SH3PXD2B: variants seen among roughly 807,000 people sequenced by gnomAD.
SH3PXD2B encodes the protein SH3 and PX domains 2B.
A neutral mutation model predicts 73.1 loss-of-function variants in SH3PXD2B; 37 were observed. That is an observed-to-expected ratio of 0.51 (90% confidence interval 0.39 to 0.67). The LOEUF (loss-of-function observed/expected upper bound fraction) is 0.67. Among genes scored for constraint, SH3PXD2B ranks in the 30% least tolerant of loss-of-function variants. The pLI is 0.00. For missense variants in SH3PXD2B, 1,053 were observed against 1,197.8 expected (o/e 0.88, Z 1.78); for synonymous variants, 457 against 480.5 (o/e 0.95, Z 0.64).
intron 2 of SH3PXD2B, 152 bp from the exon 3 acceptor site, chr5:172,406,504 G>T: frequency 1.2e-6 from 1 of 830,538 alleles, no homozygotes; most frequent in Non-Finnish European, 1.9e-6. Context: ...AATGGGAAAG[G>T]CAATTTCAGT....
chr5:172,416,005 A>C (rs577041185), intron 2 of SH3PXD2B, among the ~76,000 whole-genome samples: 17 of 152,210 alleles, frequency 1.1e-4, no homozygotes, highest in Non-Finnish European at 2.1e-4. Flanking sequence ...GCAAGTCAGG[A>C]AACCAAGTTG....
At chr5:172,329,083 A>ATTTTTTTTTTTTTTTTTT (rs1164155218), downstream of SH3PXD2B, among the ~76,000 whole-genome samples, 9 of 61,812 alleles carry the variant, frequency 1.5e-4, no homozygotes, top group African/African-American at 7.0e-4. Flanking sequence ...ATATATATAT[A>ATTTTTTTTTTTTTTTTTT]TTTTTTTTTT....
intron 12 of SH3PXD2B, among the ~76,000 whole-genome samples, chr5:172,343,509 C>T (rs919374760): frequency 1.3e-5 from 2 of 152,098 alleles, no homozygotes; most frequent in African/African-American, 4.8e-5. Flanking sequence ...AAAGCAAATG[C>T]AAGATCAGAA....
At position 172,373,776 on chromosome 5, in the gene SH3PXD2B, G is replaced by T; in HGVS notation, c.427+14C>A. 3 of 1,612,990 alleles carry T rather than the reference G, an allele frequency of 1.9e-6. No homozygotes were observed. The highest frequency in any genetic ancestry group is 2.5e-6 in the Non-Finnish European group (3 of 1,179,482). On this transcript the variant is annotated intron_variant, in intron 6 of 12. Coordinates refer to ENST00000311601, the MANE Select transcript of SH3PXD2B (RefSeq NM_001017995.3). Reference sequence around the variant, plus strand: ...AAAACTGAACGAAGAGAAGAAAATAGAAAATATTCTTACCAGATTTCTTTT... The same window carrying T: ...AAAACTGAACGAAGAGAAGAAAATATAAAATATTCTTACCAGATTTCTTTT...
chr5:172,348,649 TCTATC>T (rs1167685766), intron 10 of SH3PXD2B, among the ~76,000 whole-genome samples: 3 of 45,300 alleles, frequency 6.6e-5, no homozygotes, highest in African/African-American at 2.7e-4. Context: ...TATCTATCTA[TCTATC>T]CTATCTATCT....
At chr5:172,354,543 C>T (rs1392209101) in intron 8 of SH3PXD2B, among the ~76,000 whole-genome samples, 1 of 152,096 alleles carries the variant, frequency 6.6e-6, no homozygotes. Context: ...ATGAGCAAGA[C>T]CTGAAGGCTG....
At chr5:172,449,627 A>T (rs1300510855) in intron 1 of SH3PXD2B, among the ~76,000 whole-genome samples, 3 of 152,252 alleles carry the variant, frequency 2.0e-5, no homozygotes, top group Non-Finnish European at 4.4e-5. Context: ...ATAGCCGATA[A>T]AGGTATGAAA....
chr5:172,381,407 C>G (rs1210068861), intron 5 of SH3PXD2B, among the ~76,000 whole-genome samples: 1 of 152,222 alleles, frequency 6.6e-6, no homozygotes, highest in East Asian at 1.9e-4. Context: ...AGCACCCGGG[C>G]CGGCCAGAGT....
At chr5:172,357,888 C>T (rs1050025583) in intron 8 of SH3PXD2B, among the ~76,000 whole-genome samples, 3 of 152,198 alleles carry the variant, frequency 2.0e-5, no homozygotes, top group Non-Finnish European at 2.9e-5. Flanking sequence ...TATGTGGCTC[C>T]ATGCTTTCTC....
chr5:172,328,325 C>T (rs1448335588), intron 12 of SH3PXD2B, among the ~76,000 whole-genome samples: 2 of 151,846 alleles, frequency 1.3e-5, no homozygotes, highest in African/African-American at 2.4e-5. Flanking sequence ...AGGCTGGTCT[C>T]GAACTCCTGA....
At chr5:172,411,798 GTTT>G (rs772338597) in intron 2 of SH3PXD2B, among the ~76,000 whole-genome samples, 1 of 146,406 alleles carries the variant, frequency 6.8e-6, no homozygotes, top group Non-Finnish European at 1.5e-5. Flanking sequence ...AGGCTGTGTG[GTTT>G]TTTTTTTTTA....
chr5:172,373,148 G>A (rs183071384), intron 6 of SH3PXD2B, among the ~76,000 whole-genome samples: 39 of 152,322 alleles, frequency 2.6e-4, no homozygotes, highest in Non-Finnish European at 4.7e-4. Context: ...GTCGCTTGAC[G>A]CTGCATCTGT....
In SH3PXD2B at chr5:172,334,876, C is replaced by T. The variant is rs572870749; in HGVS notation, c.*3493G>A. 3.0e-5 allele frequency: 30 copies of T among 985,420 alleles called. No individual in the cohort carries two copies. The highest frequency in any genetic ancestry group is 6.1e-5 in the Admixed American group (1 of 16,276). The allele number at this position is 985,420 out of a possible 1,614,324, so 61.0% of individuals were successfully genotyped here. On this transcript the variant is annotated 3_prime_UTR_variant, in exon 13 of 13. Transcript: ENST00000311601. ...ACCTGGTAATGAAATCCTCAGTGGG[C>T]GCAAACATTTTAGGGCCAAGAACAT...
At chr5:172,349,442 T>G (rs1228805026) in intron 10 of SH3PXD2B, among the ~76,000 whole-genome samples, 1 of 152,178 alleles carries the variant, frequency 6.6e-6, no homozygotes, top group Admixed American at 6.5e-5. Context: ...AGTAATGAAC[T>G]CTACTCTCAG....
Position 172,339,219 on chromosome 5 carries a change from G to A in SH3PXD2B, c.1886C>T (p.Ala629Val), listed in dbSNP as rs751639524. Reference protein sequence around the residue: ...KTDLPEEKPDATPQNPFLKSR... With the variant: ...KTDLPEEKPDVTPQNPFLKSR... The stretch of plus-strand genomic sequence containing the variant: ...CTTCAAGAAGGGATTCTGGGGAGTG[G>A]CATCTGGCTTCTCCTCTGGCAGGTC... The change falls in exon 13 of 13, where the codon GCC becomes GTC. Residue 629 changes from alanine (A) to valine (V), a missense_variant. Around this residue, in one of 2 missense-constraint regions of SH3PXD2B, gnomAD observed 587 missense variants for 590.7 expected, o/e 0.99. Coordinates refer to ENST00000311601, the MANE Select transcript of SH3PXD2B (RefSeq NM_001017995.3). This position sits in a 1 kb window ranked among gnomAD's most constrained non-coding sequence, Gnocchi z 6.1. 1 of 1,614,238 alleles carries A rather than the reference G, an allele frequency of 6.2e-7. No individual in the cohort carries two copies. The highest frequency in any genetic ancestry group is 2.2e-5 in the East Asian group (1 of 44,882).
chr5:172,368,596 T>TTATATATATAAAATATATGTTA (rs1757612193), intron 6 of SH3PXD2B, among the ~76,000 whole-genome samples: 3 of 10,824 alleles, frequency 2.8e-4, no homozygotes, highest in Non-Finnish European at 3.7e-4. Flanking sequence ...ATAAAATATG[T>TTATATATATAAAATATATGTTA]TATATATATA....
chr5:172,325,762 TTTTTGTTTTGTTTTG>T (rs529154450), intron 12 of SH3PXD2B, among the ~76,000 whole-genome samples: 1 of 151,710 alleles, frequency 6.6e-6, no homozygotes, highest in African/African-American at 2.4e-5. Flanking sequence ...CCTGCCTGGT[TTTTTGTTTTGTTTTG>T]TTTTGTTTTG....
In SH3PXD2B at chr5:172,372,455, G is replaced by A. The variant is rs191328427; in HGVS notation, c.427+1335C>T. 4.2e-4 allele frequency among the ~76,000 whole-genome samples: 64 copies of A among 152,218 alleles called. 1 individual carries two copies. Among genetic ancestry groups the A allele is most frequent in the African/African-American group, 1.3e-3 (55 of 41,536 alleles). The stretch of plus-strand genomic sequence containing the variant: ...CTGAGCAGAAGCCACTGTGCTTCCC[G>A]TACAGCCTGCAGAACGATGAGCCAA... On this transcript the variant is annotated intron_variant, in intron 6 of 12. Coordinates refer to ENST00000311601, the MANE Select transcript of SH3PXD2B (RefSeq NM_001017995.3).
Position 172,339,475 on chromosome 5 carries a change from G to GCCGCTC in SH3PXD2B, c.1624_1629dup (p.Glu542_Arg543dup), listed in dbSNP as rs534091900. The stretch of plus-strand genomic sequence containing the variant: ...GGGCCCCGGAGCTGCTCCGTCCTCT[G>GCCGCTC]CCGCTCCCGCTCCCGCTCCAGCAGC... On this transcript the variant is annotated inframe_insertion, in exon 13 of 13. Coordinates refer to ENST00000311601, the MANE Select transcript of SH3PXD2B (RefSeq NM_001017995.3). The surrounding 1 kb of genome is among the most constrained non-coding windows in gnomAD (Gnocchi z 6.1). 7.2e-5 allele frequency: 117 copies of GCCGCTC among 1,613,810 alleles called. No individual in the cohort carries two copies. The African/African-American group carries it at 8.8e-4, about 12-fold the overall frequency.
Sources: gnomAD v4.1 joint callset for allele counts (sites outside exome capture counted in the v4.1 genomes callset) on GRCh38, gnomAD v4.1.1 for gene constraint, gnomAD v4.1.1 regional missense constraint, Gnocchi (gnomAD v3.1) non-coding constraint, MANE v1.5 for transcripts, NCBI Gene and HGNC (gene_info 2026-07-23, HGNC 2026-07-21) for gene names.